Variants in ARK2N observed in about 807,000 individuals in gnomAD.
ARK2N encodes the protein protein ARK2N.
chr18:46,184,417 C>T, the ARK2N span, among the ~76,000 whole-genome samples: 10 of 152,234 alleles, frequency 6.6e-5, no homozygotes, highest in South Asian at 2.1e-4. Flanking sequence ...CTACTGCGCC[C>T]GGCCTCGAAA....
At chr18:46,227,904 T>C in the ARK2N span, among the ~76,000 whole-genome samples, 1 of 151,970 alleles carries the variant, frequency 6.6e-6, no homozygotes, top group Admixed American at 6.6e-5. Flanking sequence ...GGCCGATCTC[T>C]TTTTTTTGTG....
At chr18:46,205,914 T>C in the ARK2N span, among the ~76,000 whole-genome samples, 47 of 152,064 alleles carry the variant, frequency 3.1e-4, no homozygotes, top group South Asian at 6.2e-3. Flanking sequence ...TTTTTTTCTA[T>C]AGGTGGGATT....
At chr18:46,253,363 A>T in the ARK2N span, among the ~76,000 whole-genome samples, 1 of 152,178 alleles carries the variant, frequency 6.6e-6, no homozygotes, top group Non-Finnish European at 1.5e-5. Flanking sequence ...CATAAAATAT[A>T]TAGAGTTTGT....
At chr18:46,232,191 T>C in the ARK2N span, 1 of 152,214 alleles carries the variant, frequency 6.6e-6, no homozygotes, top group Non-Finnish European at 1.5e-5. Flanking sequence ...TAGCTGACTT[T>C]GCCTAAAGGT....
chr18:46,190,515 T>TA, the ARK2N span, among the ~76,000 whole-genome samples: 26 of 151,774 alleles, frequency 1.7e-4, no homozygotes, highest in African/African-American at 6.1e-4. Flanking sequence ...AAAAAACAAT[T>TA]ACAGCTTTTC....
At chr18:46,220,299 C>T in the ARK2N span, among the ~76,000 whole-genome samples, 2 of 152,158 alleles carry the variant, frequency 1.3e-5, no homozygotes, top group Non-Finnish European at 2.9e-5. Context: ...CAGGCTAGAC[C>T]AGCTCAGCCC....
At chr18:46,176,570 T>TG in the ARK2N span, among the ~76,000 whole-genome samples, 1 of 150,976 alleles carries the variant, frequency 6.6e-6, no homozygotes. Flanking sequence ...TCCTCCCACC[T>TG]CAGCCTCCGA....
chr18:46,230,390 G>A, the ARK2N span, among the ~76,000 whole-genome samples: 2 of 152,110 alleles, frequency 1.3e-5, no homozygotes, highest in East Asian at 3.8e-4. Context: ...TGTAGCTATT[G>A]TTTAAGTCCC....
the ARK2N span, chr18:46,264,518 T>G: frequency 6.6e-6 from 1 of 152,616 alleles, no homozygotes; most frequent in African/African-American, 2.4e-5. Context: ...CCAAATCCCC[T>G]GGTGGCTCTT....
the ARK2N span, among the ~76,000 whole-genome samples, chr18:46,234,346 T>C: frequency 6.6e-6 from 1 of 152,012 alleles, no homozygotes; most frequent in Admixed American, 6.6e-5. Context: ...TGCAGGCGTA[T>C]GCCACTCTGC....
the ARK2N span, among the ~76,000 whole-genome samples, chr18:46,242,817 A>G: frequency 6.6e-6 from 1 of 152,168 alleles, no homozygotes; most frequent in African/African-American, 2.4e-5. Context: ...TTAGTATTCC[A>G]CTATATGAAT....
At chr18:46,229,505 GC>G in the ARK2N span, among the ~76,000 whole-genome samples, 1 of 151,736 alleles carries the variant, frequency 6.6e-6, no homozygotes, top group Non-Finnish European at 1.5e-5. Context: ...CTGCCACCAC[GC>G]CCGGCTAATT....
the ARK2N span, among the ~76,000 whole-genome samples, chr18:46,193,752 A>G: frequency 6.6e-6 from 1 of 151,156 alleles, no homozygotes; most frequent in Admixed American, 6.6e-5. Flanking sequence ...GTGCATGCCA[A>G]CACGCCTGGC....
At chr18:46,228,501 T>A in the ARK2N span, among the ~76,000 whole-genome samples, 8 of 152,338 alleles carry the variant, frequency 5.3e-5, no homozygotes, top group South Asian at 8.3e-4. Flanking sequence ...TTTATTGTTA[T>A]TGAATAATCA....
the ARK2N span, among the ~76,000 whole-genome samples, chr18:46,198,159 G>A: frequency 4.0e-5 from 6 of 151,736 alleles, no homozygotes; most frequent in Admixed American, 2.0e-4. Flanking sequence ...AAAGTTAGCC[G>A]GGTATGGTGG....
the ARK2N span, among the ~76,000 whole-genome samples, chr18:46,204,401 C>CTA: frequency 1.3e-5 from 2 of 152,130 alleles, no homozygotes; most frequent in Non-Finnish European, 2.9e-5. Context: ...AGGGAAAGTA[C>CTA]TATAGCCTCT....
At chr18:46,259,521 C>T in the ARK2N span, among the ~76,000 whole-genome samples, 4 of 152,058 alleles carry the variant, frequency 2.6e-5, no homozygotes, top group Non-Finnish European at 4.4e-5. Flanking sequence ...GGATTACAGG[C>T]GTGAGCCACC....
At chr18:46,221,649 A>G in the ARK2N span, among the ~76,000 whole-genome samples, 1 of 151,312 alleles carries the variant, frequency 6.6e-6, no homozygotes, top group East Asian at 1.9e-4. Flanking sequence ...TCCTTTGGTA[A>G]AGTCTGTTCA....
the ARK2N span, among the ~76,000 whole-genome samples, chr18:46,206,211 G>C: frequency 2.0e-5 from 3 of 151,680 alleles, no homozygotes; most frequent in Non-Finnish European, 4.4e-5. Flanking sequence ...TCAGTTCCCT[G>C]AGTAGCTGAG....
Sources: gnomAD v4.1 joint callset for allele counts (sites outside exome capture counted in the v4.1 genomes callset) on GRCh38, gnomAD v4.1.1 for gene constraint, MANE v1.5 for transcripts, NCBI Gene and HGNC (gene_info 2026-07-23, HGNC 2026-07-21) for gene names.